The following PDGFRA variants were observed in gnomAD, a reference collection of about 807,000 sequenced individuals.
PDGFRA encodes the protein platelet-derived growth factor receptor alpha.
In PDGFRA, 25 loss-of-function variants were observed where a neutral mutation model predicts 121.5. That is an observed-to-expected ratio of 0.21 (90% CI 0.15 to 0.29). The LOEUF (loss-of-function observed/expected upper bound fraction) is 0.29. Among genes scored for constraint, PDGFRA ranks in the 10% least tolerant of loss-of-function variants. The pLI is 1.00. For synonymous variants in PDGFRA, 463 were observed against 494.8 expected (o/e 0.94, Z 0.85); for missense variants, 1,008 against 1,345.1 (o/e 0.75, Z 3.92).
intron 1 of PDGFRA, among the ~76,000 whole-genome samples, chr4:54,255,288 C>T (rs921590947): frequency 6.6e-6 from 1 of 152,122 alleles, no homozygotes; most frequent in African/African-American, 2.4e-5. Flanking sequence ...CCATTAGAAG[C>T]TTGCTACCTT....
Position 54,258,718 on chromosome 4 carries a change from T to A in PDGFRA, c.-12-39T>A. Reference sequence around the variant, plus strand: ...GAACTAGGCTCCAGGGTTGTTTCTATTTGCTAATGCTGTTTCTGTTGACTT... The same window carrying A: ...GAACTAGGCTCCAGGGTTGTTTCTAATTGCTAATGCTGTTTCTGTTGACTT... On this transcript the variant is annotated intron_variant, in intron 1 of 22. Coordinates refer to ENST00000257290, the MANE Select transcript of PDGFRA (RefSeq NM_006206.6). 3 of 1,288,996 alleles carry A rather than the reference T, an allele frequency of 2.3e-6. No homozygotes were observed. The South Asian group carries it at 3.5e-5, about 15-fold the overall frequency. 79.8% of individuals were successfully genotyped at this position (1,288,996 alleles called of 1,614,324 possible).
Position 54,285,824 on chromosome 4 carries a change from C to A in PDGFRA, c.2440-17C>A. On this transcript the variant is annotated splice_polypyrimidine_tract_variant and intron_variant, in intron 17 of 22. Coordinates refer to ENST00000257290, the MANE Select transcript of PDGFRA (RefSeq NM_006206.6). ...CAGATGGCTTGATCCTGAGTCATTT[C>A]TTCCTTTTCCATGCAGTGTGTCCAC... is the stretch of plus-strand genomic sequence containing the variant. The A allele has an allele frequency of 6.2e-7, 1 of 1,613,810 alleles. No homozygotes were observed. The highest frequency in any genetic ancestry group is 8.5e-7 in the Non-Finnish European group (1 of 1,179,864).
chr4:54,248,672 C>G (rs541859401), intron 1 of PDGFRA, among the ~76,000 whole-genome samples: 35 of 152,260 alleles, frequency 2.3e-4, no homozygotes, highest in Admixed American at 1.0e-3. Flanking sequence ...GACTTCATGT[C>G]TAAAACACCA....
intron 1 of PDGFRA, among the ~76,000 whole-genome samples, chr4:54,240,308 CCAGGGTCATTGTTCTGT>C (rs1365316347): frequency 1.6e-4 from 25 of 152,222 alleles, no homozygotes; most frequent in Non-Finnish European, 7.3e-5. Flanking sequence ...CCCTGGGACA[CCAGGGTCATTGTTCTGT>C]AGCTCCAATT....
At chr4:54,231,421 C>G (rs1169305446) in intron 1 of PDGFRA, among the ~76,000 whole-genome samples, 2 of 152,208 alleles carry the variant, frequency 1.3e-5, no homozygotes, top group Admixed American at 1.3e-4. Context: ...CACGACAGTC[C>G]TCCGCAGTGC....
At chr4:54,260,638 G>T (rs1181968349) in intron 2 of PDGFRA, among the ~76,000 whole-genome samples, 1 of 151,772 alleles carries the variant, frequency 6.6e-6, no homozygotes, top group Non-Finnish European at 1.5e-5. Flanking sequence ...GAACTCCTGA[G>T]CTCAAGCGAT....
rs1400572511 is a variant in PDGFRA, at chr4:54,277,506, C to T, written c.1891+14C>T. ...AGATGCTAAAACGTAAGTGCTCCTT[C>T]CTGGGGATTTTTTGAGCACGGGGAT... On this transcript the variant is annotated intron_variant, in intron 13 of 22. Transcript: ENST00000257290. 5.1e-6 allele frequency: 8 copies of T among 1,569,656 alleles called. No homozygotes were observed. The Admixed American group carries it at 6.7e-5, about 13-fold the overall frequency.
At position 54,233,147 on chromosome 4, in the gene PDGFRA, C is replaced by T. The variant is rs544722985; in HGVS notation, c.-13+3732C>T. On this transcript the variant is annotated intron_variant, in intron 1 of 22. Coordinates refer to ENST00000257290, the MANE Select transcript of PDGFRA (RefSeq NM_006206.6). ...GAGCGTCGTGCCTGGGGCGCAGCGG[C>T]CTCTGCAGCTCTGAGGTTCAGAGCG... 4.0e-5 allele frequency among the ~76,000 whole-genome samples: 6 copies of T among 151,532 alleles called. No individual in the cohort carries two copies. The South Asian group carries it at 1.0e-3, about 26-fold the overall frequency.
At chr4:54,244,424 C>T (rs1363866007) in intron 1 of PDGFRA, among the ~76,000 whole-genome samples, 5 of 152,228 alleles carry the variant, frequency 3.3e-5, no homozygotes, top group Non-Finnish European at 1.5e-5. Context: ...ATCTGCTGTT[C>T]TGCCGCCACT....
intron 2 of PDGFRA, among the ~76,000 whole-genome samples, chr4:54,260,075 A>G (rs1271523987): frequency 2.6e-5 from 4 of 152,318 alleles, no homozygotes; most frequent in African/African-American, 9.6e-5. Flanking sequence ...TTCAGTCTAA[A>G]TAAGCGAGAC....
Position 54,263,686 on chromosome 4 carries a change from A to T in PDGFRA, c.387A>T (p.Val129=). 1 of 1,613,898 alleles carries T rather than the reference A, an allele frequency of 6.2e-7. No individual in the cohort carries two copies. Among genetic ancestry groups the T allele is most frequent in the Middle Eastern group, 1.7e-4 (1 of 6,060 alleles). ...CCACAGACCCAGATGTAGCCTTTGT[A>T]CCTCTAGGAATGACGGATTATTTAG... ...IYVPDPDVAF[V]PLGMTDYLVI... The change falls in exon 4 of 23, where the codon GTA becomes GTT. Residue 129 remains valine (V), a synonymous_variant. Coordinates refer to ENST00000257290, the MANE Select transcript of PDGFRA (RefSeq NM_006206.6).
chr4:54,262,951 A>G (rs537609674), intron 3 of PDGFRA, among the ~76,000 whole-genome samples: 18 of 152,298 alleles, frequency 1.2e-4, no homozygotes, highest in African/African-American at 3.6e-4. Context: ...TTTTATTCGC[A>G]ATCATGCAGA....
intron 10 of PDGFRA, among the ~76,000 whole-genome samples, chr4:54,274,156 A>G (rs1034446628): frequency 2.0e-5 from 3 of 152,214 alleles, no homozygotes; most frequent in Middle Eastern, 3.2e-3. Flanking sequence ...AATATAAGCA[A>G]AATGCAACTT....
At chr4:54,254,295 C>T (rs1020974646) in intron 1 of PDGFRA, among the ~76,000 whole-genome samples, 4 of 152,198 alleles carry the variant, frequency 2.6e-5, no homozygotes, top group Non-Finnish European at 4.4e-5. Flanking sequence ...CACAAACAGG[C>T]CTAGATTTCT....
chr4:54,253,478 A>G (rs1235166521), intron 1 of PDGFRA, among the ~76,000 whole-genome samples: 1 of 152,158 alleles, frequency 6.6e-6, no homozygotes, highest in Non-Finnish European at 1.5e-5. Context: ...GGTAAAGCAC[A>G]AGTCACCTGC....
chr4:54,296,703 GCC>G lies in PDGFRA; in HGVS notation c.*1432_*1433del, dbSNP rs528336372. The G allele has an allele frequency of 7.3e-4, 169 of 232,524 alleles. No homozygotes were observed. Among genetic ancestry groups the G allele is most frequent in the Non-Finnish European group, 9.5e-4 (112 of 117,718 alleles). The allele number at this position is 232,524 out of a possible 1,614,324, so 14.4% of individuals were successfully genotyped here. ...CTAAACTCCCTGGCTGTTCTGATCG[GCC>G]AGTTTTCGGAAACACTGACTTAGGT... On this transcript the variant is annotated 3_prime_UTR_variant, in exon 23 of 23. Transcript: ENST00000257290.
intron 16 of PDGFRA, among the ~76,000 whole-genome samples, chr4:54,284,109 A>G (rs373706438): frequency 7.9e-5 from 12 of 152,342 alleles, no homozygotes; most frequent in Admixed American, 3.3e-4. Context: ...TTCTTTGCTG[A>G]AGCTTAACAA....
intron 1 of PDGFRA, among the ~76,000 whole-genome samples, chr4:54,255,302 C>T (rs1364872264): frequency 6.6e-6 from 1 of 152,118 alleles, no homozygotes; most frequent in African/African-American, 2.4e-5. Flanking sequence ...CTACCTTTCA[C>T]TCTGTGTTTT....
chr4:54,287,352 G>A, intron 18 of PDGFRA, 78 bp from the exon 19 acceptor site: 2 of 779,790 alleles, frequency 2.6e-6, no homozygotes, highest in Admixed American at 3.4e-5. Context: ...GAGCCCAAGG[G>A]GAACCCTTTT....
Sources: allele counts gnomAD v4.1 joint callset (sites outside exome capture counted in the v4.1 genomes callset), GRCh38; gene constraint gnomAD v4.1.1; transcripts MANE v1.5; gene names NCBI Gene and HGNC (gene_info 2026-07-23, HGNC 2026-07-21).